KIF6: variants seen among roughly 807,000 people sequenced by gnomAD.
The protein encoded by KIF6 is kinesin family member 6, also known as kinesin-like protein KIF6.
In KIF6, 106 loss-of-function variants were observed where a neutral mutation model predicts 112.7. The observed-to-expected ratio is 0.94, with a 90% CI of 0.80 to 1.11. The LOEUF (loss-of-function observed/expected upper bound fraction) is 1.11, where lower values mean the gene tolerates loss of function less well. KIF6 is among the 50% of genes least tolerant of loss of function. The pLI is 0.00. For synonymous variants in KIF6, 339 were observed against 339.9 expected (o/e 1.00, Z 0.03); for missense variants, 929 against 964.0 (o/e 0.96, Z 0.48).
intron 13 of KIF6, among the ~76,000 whole-genome samples, chr6:39,527,570 C>T (rs1289140191): frequency 6.6e-6 from 1 of 152,060 alleles, no homozygotes; most frequent in Non-Finnish European, 1.5e-5. Context: ...AACATGACTC[C>T]ACTTATTCAA....
chr6:39,468,583 A>G (rs76139182), intron 13 of KIF6, among the ~76,000 whole-genome samples: 1,918 of 150,654 alleles, frequency 0.013, 51 homozygotes, highest in African/African-American at 0.045. Flanking sequence ...ACTGATGAAG[A>G]AAAAGCTGTC....
Position 39,648,644 on chromosome 6 carries a change from G to A in KIF6, c.252-8887C>T, listed in dbSNP as rs147177622. On this transcript the variant is annotated intron_variant, in intron 3 of 22. Coordinates refer to ENST00000287152, the MANE Select transcript of KIF6 (RefSeq NM_145027.6). ...GTCCCCAACATTCCCTAACATCTTA[G>A]GATCAACTGCTTCCTAAAGGTATGT... Among the ~76,000 whole-genome samples, 22 of 152,200 alleles carry A rather than the reference G, an allele frequency of 1.4e-4. No homozygotes were observed. In the East Asian group the frequency reaches 3.7e-3, roughly 25 times the overall value.
intron 9 of KIF6, chr6:39,583,568 GACAA>G (rs542895971): frequency 1.3e-4 from 57 of 453,918 alleles, no homozygotes; most frequent in South Asian, 8.3e-4. Flanking sequence ...GAGGAGAAAG[GACAA>G]ACAATCAAGA....
At chr6:39,398,517 T>C (rs1055975975) in intron 15 of KIF6, among the ~76,000 whole-genome samples, 3 of 152,244 alleles carry the variant, frequency 2.0e-5, no homozygotes, top group Non-Finnish European at 4.4e-5. Context: ...GATATTATCT[T>C]TGAGAAAAAC....
chr6:39,711,329 G>T (rs938552179), intron 3 of KIF6, among the ~76,000 whole-genome samples: 1 of 150,520 alleles, frequency 6.6e-6, no homozygotes, highest in African/African-American at 2.4e-5. Context: ...AATCAGATTG[G>T]CATGGACATC....
At chr6:39,540,312 T>C in intron 12 of KIF6, 91 bp from the exon 13 acceptor site, 1 of 842,890 alleles carries the variant, frequency 1.2e-6, no homozygotes. Context: ...TCCTAACATT[T>C]GCTATTTATC....
intron 6 of KIF6, among the ~76,000 whole-genome samples, chr6:39,608,573 CTTTTAT>C: frequency 6.6e-6 from 1 of 152,142 alleles, no homozygotes; most frequent in Non-Finnish European, 1.5e-5. Context: ...GTCTGTATGT[CTTTTAT>C]TTCAAGCAAA....
In KIF6 at chr6:39,357,334, G is replaced by A. The variant is rs1764780344; in HGVS notation, c.2123C>T (p.Pro708Leu). ...CTGGGAGTCAGATGTCTGGAGAAAT[G>A]GCTTCGTGTGATCGAGTGAATTCAC... ...PAVNSLDHTKPFLQTSDSQHE... is the reference protein window; with the variant it reads ...PAVNSLDHTKLFLQTSDSQHE... Residue 708 changes from proline to leucine, a missense_variant, in exon 19 of 23, where the codon CCA (proline) becomes CTA (leucine). This residue lies in a region of KIF6 where 241 missense variants were observed against 301.4 expected (regional missense o/e 0.80). Coordinates refer to ENST00000287152, the MANE Select transcript of KIF6 (RefSeq NM_145027.6). The A allele has an allele frequency of 6.2e-7, 1 of 1,613,912 alleles. No individual in the cohort carries two copies. The highest frequency in any genetic ancestry group is 1.3e-5 in the African/African-American group (1 of 74,898).
chr6:39,527,683 T>C (rs1777812660), intron 13 of KIF6, among the ~76,000 whole-genome samples: 1 of 152,196 alleles, frequency 6.6e-6, no homozygotes, highest in African/African-American at 2.4e-5. Context: ...ATTCTAGCAA[T>C]TTCTCACTTA....
chr6:39,336,636 C>G, intron 22 of KIF6, 88 bp from the exon 23 acceptor site: 2 of 1,171,394 alleles, frequency 1.7e-6, no homozygotes, highest in Non-Finnish European at 2.6e-6. Context: ...GGGAGGCCAC[C>G]AGCCACTCCC....
chr6:39,639,606 A>G lies in KIF6; in HGVS notation c.399+4T>C, dbSNP rs1176302777. 1 of 1,559,202 alleles carries G rather than the reference A, an allele frequency of 6.4e-7. No homozygotes were observed. The highest frequency in any genetic ancestry group is 2.1e-5 in the Admixed American group (1 of 47,584). On this transcript the variant is annotated splice_donor_region_variant and intron_variant, in intron 4 of 22. Transcript: ENST00000287152. ...CAAAATGATATGAACGAAAAGTTTC[A>G]TACCTTTTGTAACTGTTCAAAAATG...
At chr6:39,587,297 T>C (rs1444854912) in intron 7 of KIF6, among the ~76,000 whole-genome samples, 3 of 152,218 alleles carry the variant, frequency 2.0e-5, no homozygotes, top group African/African-American at 4.8e-5. Flanking sequence ...CCCTAGCTCC[T>C]GAGAATACCT....
chr6:39,597,661 T>C (rs1431834774), intron 6 of KIF6, among the ~76,000 whole-genome samples: 1 of 152,216 alleles, frequency 6.6e-6, no homozygotes, highest in Non-Finnish European at 1.5e-5. Flanking sequence ...AACACAACTT[T>C]AGCACCAATA....
At chr6:39,524,823 C>T (rs1562286464) in intron 13 of KIF6, among the ~76,000 whole-genome samples, 1 of 152,334 alleles carries the variant, frequency 6.6e-6, no homozygotes, top group South Asian at 2.1e-4. Flanking sequence ...CAGGGGCACG[C>T]CCTAATAAGC....
chr6:39,559,864 T>C (rs1265166595), intron 10 of KIF6, among the ~76,000 whole-genome samples: 2 of 151,656 alleles, frequency 1.3e-5, no homozygotes, highest in Non-Finnish European at 2.9e-5. Flanking sequence ...AAATATCAAC[T>C]AACTAACTGT....
Position 39,357,309 on chromosome 6 carries a change from C to T in KIF6, c.2148G>A (p.Gln716=). ...TAGAGAGGAGTTGGGACCATTCATGCTGGGAGTCAGATGTCTGGAGAAATG... is the reference window on the plus strand; with the variant it reads ...TAGAGAGGAGTTGGGACCATTCATGTTGGGAGTCAGATGTCTGGAGAAATG... ...TKPFLQTSDS[Q]HEWSQLLSNK... Residue 716 remains glutamine (Q), a synonymous_variant, in exon 19 of 23, where the codon CAG becomes CAA. Transcript: ENST00000287152. 1.9e-6 allele frequency: 3 copies of T among 1,613,900 alleles called. No individual in the cohort carries two copies. Among genetic ancestry groups the T allele is most frequent in the Non-Finnish European group, 2.5e-6 (3 of 1,179,844 alleles).
intron 3 of KIF6, among the ~76,000 whole-genome samples, chr6:39,665,925 A>G (rs1262894030): frequency 2.6e-5 from 4 of 152,168 alleles, no homozygotes; most frequent in African/African-American, 7.2e-5. Flanking sequence ...ACAGACCACA[A>G]ATTTGACAGA....
At chr6:39,508,103 C>A (rs1776547397) in intron 13 of KIF6, among the ~76,000 whole-genome samples, 2 of 151,210 alleles carry the variant, frequency 1.3e-5, no homozygotes, top group South Asian at 4.2e-4. Flanking sequence ...ATCATGAAAA[C>A]CCTCATAGTT....
In KIF6 at chr6:39,563,240, A is replaced by G. The variant is rs149959858; in HGVS notation, c.1181+14816T>C. On this transcript the variant is annotated intron_variant, in intron 10 of 22. Coordinates refer to ENST00000287152, the MANE Select transcript of KIF6 (RefSeq NM_145027.6). ...GATAGAGTGAGGGAGGCCCTGCTGCAAAAAGAAAAGAAAATTTAGAAGACA... is the reference window on the plus strand; with the variant it reads ...GATAGAGTGAGGGAGGCCCTGCTGCGAAAAGAAAAGAAAATTTAGAAGACA... Among the ~76,000 whole-genome samples the G allele has an allele frequency of 1.7e-3, 264 of 152,324 alleles. 3 individuals are homozygous for G. Among genetic ancestry groups the G allele is most frequent in the African/African-American group, 6.0e-3 (249 of 41,578 alleles).
Sources: gnomAD v4.1 joint callset for allele counts (sites outside exome capture counted in the v4.1 genomes callset) on GRCh38, gnomAD v4.1.1 for gene constraint, gnomAD v4.1.1 regional missense constraint, MANE v1.5 for transcripts, NCBI Gene and HGNC (gene_info 2026-07-23, HGNC 2026-07-21) for gene names.